The following ATXN7L1 variants were observed in gnomAD, a reference collection of about 807,000 sequenced individuals.
The protein encoded by ATXN7L1 is ataxin-7-like protein 1.
A neutral mutation model predicts 70.8 loss-of-function variants in ATXN7L1; 15 were observed. The observed-to-expected ratio is 0.21, with a 90% CI of 0.14 to 0.33. The LOEUF (loss-of-function observed/expected upper bound fraction) is 0.33, where lower values mean the gene tolerates loss of function less well. Ranked by LOEUF, ATXN7L1 falls within the 10% of genes least tolerant of loss-of-function variation. The probability of loss-of-function intolerance (pLI) is 1.00; values close to 1 mark genes in which losing one functional copy is unlikely to be tolerated. For missense variants in ATXN7L1, 975 were observed against 1,097.1 expected (o/e 0.89, Z 1.57); for synonymous variants, 440 against 445.1 (o/e 0.99, Z 0.14).
At chr7:105,761,190 T>C (rs1374204980) in intron 3 of ATXN7L1, 2 of 1,394,996 alleles carry the variant, frequency 1.4e-6, no homozygotes, top group Non-Finnish European at 1.9e-6. Context: ...AGGTACCCCC[T>C]GCTCTGCTCA....
At chr7:105,816,875 G>T (rs1014313077) in intron 2 of ATXN7L1, among the ~76,000 whole-genome samples, 2 of 152,236 alleles carry the variant, frequency 1.3e-5, no homozygotes, top group Non-Finnish European at 2.9e-5. Flanking sequence ...GAAAACAGGG[G>T]GAAACAGGCA....
intron 11 of ATXN7L1, 116 bp downstream of exon 11, chr7:105,610,413 C>T (rs1793040833): frequency 1.1e-6 from 1 of 930,068 alleles, no homozygotes; most frequent in East Asian, 2.7e-5. Context: ...GCCAGGTAGC[C>T]ATGCTCTTAA....
At chr7:105,658,195 C>T (rs939958840) in intron 4 of ATXN7L1, among the ~76,000 whole-genome samples, 4 of 146,514 alleles carry the variant, frequency 2.7e-5, no homozygotes, top group Non-Finnish European at 6.0e-5. Flanking sequence ...CTGGCCTGGG[C>T]GACAGAGCTA....
At chr7:105,780,185 G>T (rs2116461223) in intron 3 of ATXN7L1, among the ~76,000 whole-genome samples, 1 of 152,228 alleles carries the variant, frequency 6.6e-6, no homozygotes, top group Admixed American at 6.5e-5. Context: ...AAGAACAATT[G>T]CAGGGAACCT....
intron 2 of ATXN7L1, among the ~76,000 whole-genome samples, chr7:105,790,641 T>TCATCTATCTACTATCTATCTA: frequency 2.0e-5 from 3 of 147,780 alleles, no homozygotes; most frequent in African/African-American, 7.5e-5. Flanking sequence ...TATCTATCTA[T>TCATCTATCTACTATCTATCTA]CTATCTATCT....
intron 2 of ATXN7L1, among the ~76,000 whole-genome samples, chr7:105,852,403 A>G (rs1815015023): frequency 6.6e-6 from 1 of 152,154 alleles, no homozygotes; most frequent in Non-Finnish European, 1.5e-5. Context: ...CTCCCTGGAA[A>G]GCAAAAGCAC....
chr7:105,815,321 C>T (rs1189405133), intron 2 of ATXN7L1, among the ~76,000 whole-genome samples: 7 of 152,118 alleles, frequency 4.6e-5, no homozygotes, highest in Non-Finnish European at 7.3e-5. Context: ...GACTTTCTAC[C>T]TTATTATTAA....
chr7:105,859,062 T>A (rs570097735), intron 2 of ATXN7L1, among the ~76,000 whole-genome samples: 3 of 152,080 alleles, frequency 2.0e-5, no homozygotes, highest in African/African-American at 2.4e-5. Flanking sequence ...GGTGGGGGCA[T>A]GACAGGTGAA....
rs116761910 is a variant in ATXN7L1 at position 105,809,166 on chromosome 7, C to T, written c.251-20458G>A. On this transcript the variant is annotated intron_variant, in intron 2 of 11. Transcript: ENST00000419735. ...GTCACCCTCTTTCCTTTATAAGCTG[C>T]GAGCACTTGGGTAAGTCCCTTAACC... 5.2e-3 allele frequency among the ~76,000 whole-genome samples: 795 copies of T among 152,294 alleles called. 9 individuals are homozygous for T. The highest frequency in any genetic ancestry group is 0.018 in the African/African-American group (750 of 41,566).
At chr7:105,835,983 G>T (rs1361841630) in intron 2 of ATXN7L1, among the ~76,000 whole-genome samples, 1 of 152,142 alleles carries the variant, frequency 6.6e-6, no homozygotes, top group Non-Finnish European at 1.5e-5. Flanking sequence ...ATGTGAGAGG[G>T]TAAAGAAGTC....
intron 2 of ATXN7L1, among the ~76,000 whole-genome samples, chr7:105,857,457 GC>G (rs1182600788): frequency 6.6e-6 from 1 of 152,172 alleles, no homozygotes; most frequent in Admixed American, 6.5e-5. Flanking sequence ...ACAGAGCCCA[GC>G]CCAGGGCCTT....
Position 105,614,464 on chromosome 7 carries a change from T to C in ATXN7L1, c.1870A>G (p.Ser624Gly). 6.5e-7 allele frequency: 1 copy of C among 1,537,858 alleles called. No individual in the cohort carries two copies. The highest frequency in any genetic ancestry group is 8.8e-7 in the Non-Finnish European group (1 of 1,139,380). The part of the protein sequence containing the change: ...PSHKPSKTKT[S>G]KSSKVKDLST... ...AGGTCTTTGACTTTTGAGGATTTGCTGGTTTTGGTTTTGGATGGCTTGTGG... is the reference window on the plus strand; with the variant it reads ...AGGTCTTTGACTTTTGAGGATTTGCCGGTTTTGGTTTTGGATGGCTTGTGG... Residue 624 changes from serine to glycine, a missense_variant, in exon 10 of 12, where the codon AGC (serine) becomes GGC (glycine). By Grantham distance (56) the Ser-to-Gly change is moderately conservative. Transcript: ENST00000419735. This position sits in a 1 kb window ranked among gnomAD's most constrained non-coding sequence, Gnocchi z 4.3.
intron 2 of ATXN7L1, among the ~76,000 whole-genome samples, chr7:105,815,611 A>T (rs1187907547): frequency 6.6e-6 from 1 of 152,244 alleles, no homozygotes; most frequent in Non-Finnish European, 1.5e-5. Flanking sequence ...TCAGACCCAC[A>T]TGGCGTCAAA....
At chr7:105,815,957 G>T (rs1414646654) in intron 2 of ATXN7L1, among the ~76,000 whole-genome samples, 2 of 152,154 alleles carry the variant, frequency 1.3e-5, no homozygotes, top group Admixed American at 6.5e-5. Flanking sequence ...ATTATTAAAA[G>T]AAAAACAAAA....
chr7:105,755,464 G>A (rs1799693542), intron 3 of ATXN7L1, among the ~76,000 whole-genome samples: 1 of 152,164 alleles, frequency 6.6e-6, no homozygotes, highest in African/African-American at 2.4e-5. Flanking sequence ...TTTGTTTAGA[G>A]GAGGTGAGTT....
intron 3 of ATXN7L1, among the ~76,000 whole-genome samples, chr7:105,715,309 C>T (rs1004607264): frequency 6.6e-6 from 1 of 152,214 alleles, no homozygotes; most frequent in East Asian, 1.9e-4. Context: ...TACTATCTTA[C>T]TCCCAGAGTT....
Position 105,610,721 on chromosome 7 carries a change from T to C in ATXN7L1, c.2473-118A>G. 4.7e-6 allele frequency: 4 copies of C among 854,828 alleles called. No individual in the cohort carries two copies. In the East Asian group the frequency reaches 1.1e-4, roughly 23 times the overall value. 53.0% of individuals were successfully genotyped at this position (854,828 alleles called of 1,614,324 possible). On this transcript the variant is annotated intron_variant, in intron 10 of 11. Coordinates refer to ENST00000419735, the MANE Select transcript of ATXN7L1 (RefSeq NM_020725.2). The stretch of plus-strand genomic sequence containing the variant: ...ACAATGCCTCCTTCATTCCCTCAGA[T>C]TGGCTCGGAACTGGTGTTTCCATCT...
At chr7:105,829,481 A>T (rs1017656633) in intron 2 of ATXN7L1, among the ~76,000 whole-genome samples, 1 of 152,008 alleles carries the variant, frequency 6.6e-6, no homozygotes, top group African/African-American at 2.4e-5. Flanking sequence ...ACAACAACAA[A>T]AAACCAGCCA....
At chr7:105,651,429 T>C (rs1488275198) in intron 4 of ATXN7L1, among the ~76,000 whole-genome samples, 1 of 152,154 alleles carries the variant, frequency 6.6e-6, no homozygotes. Flanking sequence ...GAAAGGTATA[T>C]ATGTGGGGTG....
Sources: allele counts gnomAD v4.1 joint callset (sites outside exome capture counted in the v4.1 genomes callset), GRCh38; gene constraint gnomAD v4.1.1; non-coding constraint Gnocchi (gnomAD v3.1); transcripts MANE v1.5; gene names NCBI Gene and HGNC (gene_info 2026-07-23, HGNC 2026-07-21).